Variants in PRSS36 observed in about 807,000 individuals in gnomAD.
The protein encoded by PRSS36 is polyserase-2.
PRSS36 carries 90 observed loss-of-function variants against 94.3 expected under a neutral mutation model. The ratio of observed to expected loss-of-function variants is 0.95; its 90% confidence interval spans 0.80 to 1.14. The LOEUF (loss-of-function observed/expected upper bound fraction) is 1.14. PRSS36 is among the 50% of genes most tolerant of loss of function. The pLI is 0.00. For synonymous variants in PRSS36, 500 were observed against 489.6 expected (o/e 1.02, Z -0.28); for missense variants, 1,158 against 1,135.0 (o/e 1.02, Z -0.29).
intron 3 of PRSS36, 36 bp from the exon 4 acceptor site, chr16:31,149,271 C>T (rs1391969200): frequency 6.5e-7 from 1 of 1,527,472 alleles, no homozygotes; most frequent in South Asian, 1.2e-5. Flanking sequence ...AAGCTCCCCT[C>T]GGGTTCCCCA....
At chr16:31,146,791 C>CCAA (rs1246110099) in intron 5 of PRSS36, among the ~76,000 whole-genome samples, 1 of 152,048 alleles carries the variant, frequency 6.6e-6, no homozygotes, top group African/African-American at 2.4e-5. Flanking sequence ...ACTAGCCTGC[C>CCAA]CAACATAGTG....
At chr16:31,147,433 C>G (rs2057814174) in intron 5 of PRSS36, among the ~76,000 whole-genome samples, 1 of 152,248 alleles carries the variant, frequency 6.6e-6, no homozygotes, top group Non-Finnish European at 1.5e-5. Flanking sequence ...GAGGCTGTAG[C>G]ATCTTCCCCT....
chr16:31,143,317 G>A (rs2057744464), intron 8 of PRSS36, 25 bp downstream of exon 8: 2 of 1,568,472 alleles, frequency 1.3e-6, no homozygotes, highest in Non-Finnish European at 1.7e-6. Context: ...GCAAGGATCG[G>A]CTTGAAACGT....
At position 31,142,920 on chromosome 16, in the gene PRSS36, C is replaced by A. The variant is rs774861495; in HGVS notation, c.1174G>T (p.Glu392Ter). ...RVLLPSRPRA[E>*]RVARLVQHEN... ...TGCTGCACCAGGCGCGCCACCCGCTCCGCGCGCGGGCGCGAGGGCAGCAGC... is the reference window on the plus strand; with the variant it reads ...TGCTGCACCAGGCGCGCCACCCGCTACGCGCGCGGGCGCGAGGGCAGCAGC... The change falls in exon 9 of 15, where the codon GAG (glutamate) becomes TAG (stop). Residue 392 changes from glutamate to a stop codon, truncating the protein, a stop_gained. Coordinates refer to ENST00000268281, the MANE Select transcript of PRSS36 (RefSeq NM_173502.5). LOFTEE classifies it high-confidence loss of function. 3 of 1,528,562 alleles carry A rather than the reference C, an allele frequency of 2.0e-6. No individual in the cohort carries two copies. The highest frequency in any genetic ancestry group is 2.9e-5 in the African/African-American group (2 of 69,632). The allele number at this position is 1,528,562 out of a possible 1,614,324, so 94.7% of individuals were successfully genotyped here.
intron 5 of PRSS36, among the ~76,000 whole-genome samples, chr16:31,146,720 C>A (rs2057803860): frequency 6.6e-6 from 1 of 152,188 alleles, no homozygotes; most frequent in Non-Finnish European, 1.5e-5. Context: ...TGACTCACAC[C>A]TGTAATTCCA....
chr16:31,149,044 G>A (rs1036670068), intron 4 of PRSS36, 29 bp downstream of exon 4: 3 of 1,550,394 alleles, frequency 1.9e-6, no homozygotes, highest in African/African-American at 2.7e-5. Context: ...TTTTGGCGGA[G>A]AGGGGCCAGG....
intron 6 of PRSS36, among the ~76,000 whole-genome samples, chr16:31,145,160 G>A (rs2057777168): frequency 6.6e-6 from 1 of 151,962 alleles, no homozygotes; most frequent in Non-Finnish European, 1.5e-5. Flanking sequence ...ACGAGGTCAG[G>A]AGATCGAGAC....
intron 6 of PRSS36, among the ~76,000 whole-genome samples, chr16:31,145,177 G>C (rs1333362150): frequency 6.6e-6 from 1 of 151,796 alleles, no homozygotes; most frequent in Non-Finnish European, 1.5e-5. Context: ...AGACAATCCT[G>C]GCTAACCTGG....
In PRSS36 at chr16:31,141,779, C is replaced by A. The variant is rs1489713495; in HGVS notation, c.1703G>T (p.Gly568Val). 3 of 1,614,010 alleles carry A rather than the reference C, an allele frequency of 1.9e-6. No homozygotes were observed. The highest frequency in any genetic ancestry group is 2.2e-5 in the East Asian group (1 of 44,898). ...YLEDQLAWDW[G>V]PDGEETETQT... ...TGTCTCAGTCTCCTCCCCATCAGGG[C>A]CCCAATCCCAGGCTAGCTGGTCCTC... The change falls in exon 11 of 15, where the codon GGC becomes GTC. Residue 568 changes from glycine (G) to valine (V), a missense_variant. Transcript: ENST00000268281.
chr16:31,145,932 GC>G lies in PRSS36; in HGVS notation c.576del (p.Leu193TyrfsTer6). 6.2e-7 allele frequency: 1 copy of G among 1,613,208 alleles called. No homozygotes were observed. Among genetic ancestry groups the G allele is most frequent in the Non-Finnish European group, 8.5e-7 (1 of 1,179,600 alleles). On this transcript the variant is annotated frameshift_variant, in exon 6 of 15. Transcript: ENST00000268281. LOFTEE classifies it high-confidence loss of function. ...AGCAGCCTTAGCTCCACTTCCTGTA[GC>G]ACCCAGGGGAGAGGCAGAGGATCTG... Reference protein sequence around the residue: ...QEADPLPLPWVLQEVELRLLG... With the variant: ...QEADPLPLPWXLQEVELRLLG...
At chr16:31,142,367 C>T in intron 10 of PRSS36, 114 bp downstream of exon 10, 3 of 1,234,990 alleles carry the variant, frequency 2.4e-6, no homozygotes. Context: ...GACCCGCCTT[C>T]CGCAGGCCCC....
At position 31,143,615 on chromosome 16, in the gene PRSS36, C is replaced by T; in HGVS notation, c.943G>A (p.Glu315Lys). 2 of 1,614,204 alleles carry T rather than the reference C, an allele frequency of 1.2e-6. No homozygotes were observed. Among genetic ancestry groups the T allele is most frequent in the Middle Eastern group, 1.6e-4 (1 of 6,062 alleles). ...GGCAGGGCAATGGTGCAGTTCTCCT[C>T]CCTGGGCTCCTGGGGATCTGACTGG... is the stretch of plus-strand genomic sequence containing the variant. The part of the protein sequence containing the change: ...KTQSDPQEPR[E>K]ENCTIALPEC... Residue 315 changes from glutamate to lysine, a missense_variant, in exon 7 of 15, where the codon GAG (glutamate) becomes AAG (lysine). Coordinates refer to ENST00000268281, the MANE Select transcript of PRSS36 (RefSeq NM_173502.5).
In PRSS36 at chr16:31,148,641, C is replaced by G. The variant is rs1005269097; in HGVS notation, c.307G>C (p.Val103Leu). 1.7e-5 allele frequency: 28 copies of G among 1,612,378 alleles called. No individual in the cohort carries two copies. Among genetic ancestry groups the G allele is most frequent in the Non-Finnish European group, 2.3e-5 (27 of 1,179,710 alleles). The change falls in exon 5 of 15, where the codon GTA (valine) becomes CTA (leucine). Residue 103 changes from valine (V) to leucine (L), a missense_variant. Transcript: ENST00000268281. The stretch of plus-strand genomic sequence containing the variant: ...TCCTGGGAGTGCACGCCCAGCAGTA[C>G]CGACCACTCGGCCGCGGGCTCCAGC... Reference protein sequence around the residue: ...GTLEPAAEWSVLLGVHSQDGP... With the variant: ...GTLEPAAEWSLLLGVHSQDGP...
At chr16:31,142,154 T>C (rs990427415) in intron 10 of PRSS36, among the ~76,000 whole-genome samples, 194 bp from the exon 11 acceptor site, 1 of 152,172 alleles carries the variant, frequency 6.6e-6, no homozygotes, top group East Asian at 1.9e-4. Flanking sequence ...AATCCAGAGA[T>C]AGAGAGAAAC....
chr16:31,150,018 G>C lies in PRSS36; in HGVS notation c.18C>G (p.Leu6=). The C allele has an allele frequency of 6.2e-7, 1 of 1,614,008 alleles. No individual in the cohort carries two copies. Among genetic ancestry groups the C allele is most frequent in the Non-Finnish European group, 8.5e-7 (1 of 1,179,988 alleles). MARHL[L]LPLVMLVISP... ...GGTTACCAAGCATCACAAGGGGGAG[G>C]AGCAGGTGCCGGGCCATGGCGCTAG... The change falls in exon 1 of 15, where the codon CTC becomes CTG. Residue 6 remains leucine, a synonymous_variant. Coordinates refer to ENST00000268281, the MANE Select transcript of PRSS36 (RefSeq NM_173502.5).
rs71151448 is a variant in PRSS36 at position 31,139,879 on chromosome 16, C to CAAA, written c.2289+412_2289+414dup. 7.5e-3 allele frequency among the ~76,000 whole-genome samples: 319 copies of CAAA among 42,484 alleles called. 13 individuals carry two copies. Among genetic ancestry groups the CAAA allele is most frequent in the Non-Finnish European group, 0.011 (268 of 25,494 alleles). 27.9% of individuals were successfully genotyped at this position (42,484 alleles called of 152,430 possible). The stretch of plus-strand genomic sequence containing the variant: ...TGGGTACCAGAGCGAGACTCAGTCT[C>CAAA]AAAAAAAAAAAAAAAAAAAAAAAAA... On this transcript the variant is annotated intron_variant, in intron 14 of 14. Transcript: ENST00000268281.
At position 31,145,909 on chromosome 16, in the gene PRSS36, C is replaced by T; in HGVS notation, c.600G>A (p.Leu200=). The T allele has an allele frequency of 6.2e-7, 1 of 1,613,916 alleles. No individual in the cohort carries two copies. Among genetic ancestry groups the T allele is most frequent in the Non-Finnish European group, 8.5e-7 (1 of 1,179,920 alleles). Residue 200 remains leucine, a synonymous_variant, in exon 6 of 15, where the codon CTG becomes CTA. Transcript: ENST00000268281. The part of the protein sequence containing the change: ...PWVLQEVELR[L]LGEATCQCLY... ...GACATTGACAGGTGGCCTCGCCCAG[C>T]AGCCTTAGCTCCACTTCCTGTAGCA...
chr16:31,146,697 G>A (rs892916721), intron 5 of PRSS36, among the ~76,000 whole-genome samples: 3 of 152,166 alleles, frequency 2.0e-5, no homozygotes, highest in Admixed American at 2.0e-4. Context: ...AGAATCTGAG[G>A]TCAAAGGCGC....
rs2057721465 is a variant in PRSS36, at chr16:31,142,592, C to T, written c.1410G>A (p.Trp470Ter). ...ALLEAELLGG[W>*]WCHCLYGRQG... is the part of the protein sequence containing the mutation. ...GGCGGCCGTACAGGCAGTGGCACCA[C>T]CAGCCGCCTAACAGCTCCGCCTCCA... is the stretch of plus-strand genomic sequence containing the variant. Residue 470 changes from tryptophan to a stop codon, truncating the protein, a stop_gained, in exon 10 of 15, where the codon TGG becomes TGA. Transcript: ENST00000268281. LOFTEE classifies it high-confidence loss of function. The T allele has an allele frequency of 6.6e-7, 1 of 1,520,844 alleles. No homozygotes were observed. Among genetic ancestry groups the T allele is most frequent in the Non-Finnish European group, 8.8e-7 (1 of 1,138,818 alleles). 94.2% of individuals were successfully genotyped at this position (1,520,844 alleles called of 1,614,324 possible).
Sources: gnomAD v4.1 joint callset for allele counts (sites outside exome capture counted in the v4.1 genomes callset) on GRCh38, gnomAD v4.1.1 for gene constraint, MANE v1.5 for transcripts, NCBI Gene and HGNC (gene_info 2026-07-23, HGNC 2026-07-21) for gene names.